Variants in SLC9A7 observed in about 807,000 individuals in gnomAD.
The protein encoded by SLC9A7 is sodium/hydrogen exchanger 7.
Under a neutral mutation model 52.6 loss-of-function variants are expected in SLC9A7, and 19 were observed. That is an observed-to-expected ratio of 0.36 (90% confidence interval 0.25 to 0.53). The LOEUF is 0.53. SLC9A7 is among the 20% of genes least tolerant of loss of function. The pLI is 0.91. For synonymous variants in SLC9A7, 226 were observed against 252.1 expected (o/e 0.90, Z 0.98); for missense variants, 455 against 597.9 (o/e 0.76, Z 2.49).
chrX:46,700,169 T>C (rs942065737), intron 1 of SLC9A7, among the ~76,000 whole-genome samples: 1 of 111,703 alleles, frequency 9.0e-6, no homozygotes, highest in African/African-American at 3.3e-5. Flanking sequence ...ATGCCTGGGT[T>C]AGGTCCAAGG....
intron 5 of SLC9A7, among the ~76,000 whole-genome samples, chrX:46,668,552 T>C (rs1482667864): frequency 8.1e-5 from 9 of 111,522 alleles, no homozygotes; most frequent in Admixed American, 6.7e-4. Flanking sequence ...ACAGATACAA[T>C]GGAATATTAT....
At position 46,601,868 on chromosome X, in the gene SLC9A7, C is replaced by G. The variant is rs1942664811; in HGVS notation, c.*5084G>C. The stretch of plus-strand genomic sequence containing the variant: ...CAAAAGTGTGCATCTCCTTAATTAC[C>G]TGCTACGGAAACCACCACCATCACC... On this transcript the variant is annotated 3_prime_UTR_variant, in exon 17 of 17. Transcript: ENST00000616978. 1 of 111,965 alleles carries G rather than the reference C, an allele frequency of 8.9e-6. No individual in the cohort carries two copies. The highest frequency in any genetic ancestry group is 1.9e-5 in the Non-Finnish European group (1 of 53,203). 9.2% of individuals were successfully genotyped at this position (111,965 alleles called of 1,213,427 possible). A position where few individuals can be genotyped will look rare whatever the true frequency, so the allele number is the denominator to read the frequency against.
At chrX:46,688,052 G>A (rs891767975) in intron 1 of SLC9A7, among the ~76,000 whole-genome samples, 2 of 112,148 alleles carry the variant, frequency 1.8e-5, no homozygotes, top group Non-Finnish European at 3.8e-5. Context: ...CACTGTACCA[G>A]TGTATCATAT....
chrX:46,741,231 A>G, intron 1 of SLC9A7, among the ~76,000 whole-genome samples: 1 of 111,968 alleles, frequency 8.9e-6, no homozygotes, highest in Non-Finnish European at 1.9e-5. Context: ...CAGATTCAAT[A>G]CAATTCCAAT....
chrX:46,651,266 C>T (rs1943575211), intron 9 of SLC9A7, 43 bp from the exon 10 acceptor site: 1 of 1,177,539 alleles, frequency 8.5e-7, no homozygotes, highest in Middle Eastern at 2.3e-4. Flanking sequence ...CTGCAGTTCC[C>T]CCTTCCCTGT....
rs1319522348 is a variant in SLC9A7, at chrX:46,643,400, C to A, written c.1463-11G>T. The A allele has an allele frequency of 1.7e-6, 2 of 1,195,661 alleles. No homozygotes were observed. The highest frequency in any genetic ancestry group is 2.2e-5 in the Admixed American group (1 of 45,585). On this transcript the variant is annotated splice_polypyrimidine_tract_variant and intron_variant, in intron 11 of 16. Transcript: ENST00000616978. ...TTGCTCCCCTGAGGCCTGCGGGGACCAAAGAAGAAGATCTACTTATAAGGA... is the reference window on the plus strand; with the variant it reads ...TTGCTCCCCTGAGGCCTGCGGGGACAAAAGAAGAAGATCTACTTATAAGGA...
At chrX:46,742,047 G>A (rs1921390153) in intron 1 of SLC9A7, among the ~76,000 whole-genome samples, 1 of 111,059 alleles carries the variant, frequency 9.0e-6, no homozygotes, top group Non-Finnish European at 1.9e-5. Flanking sequence ...TCAACATTAG[G>A]GAAATATAAA....
At chrX:46,717,225 T>C (rs1330242021) in intron 1 of SLC9A7, among the ~76,000 whole-genome samples, 1 of 112,362 alleles carries the variant, frequency 8.9e-6, no homozygotes, top group Non-Finnish European at 1.9e-5. Flanking sequence ...GGTCAGGTGA[T>C]TAGAAATGCC....
intron 16 of SLC9A7, 117 bp from the exon 17 acceptor site, chrX:46,607,320 G>T: frequency 1.1e-6 from 1 of 873,767 alleles, no homozygotes; most frequent in Non-Finnish European, 1.6e-6. Context: ...TATGAAACTT[G>T]CCTGCCTTGA....
At chrX:46,700,920 C>T (rs752616581) in intron 1 of SLC9A7, among the ~76,000 whole-genome samples, 3 of 111,654 alleles carry the variant, frequency 2.7e-5, no homozygotes, top group South Asian at 3.8e-4. Context: ...TTCTTTTTCC[C>T]TCTTCCCACA....
chrX:46,722,803 C>T (rs999484666), intron 1 of SLC9A7, among the ~76,000 whole-genome samples: 14 of 111,992 alleles, frequency 1.3e-4, no homozygotes, highest in Middle Eastern at 4.2e-3. Context: ...GGAAAACCTC[C>T]AGAAGATTCT....
intron 16 of SLC9A7, among the ~76,000 whole-genome samples, chrX:46,610,644 C>T (rs6521134): frequency 0.36 from 39,490 of 110,757 alleles, 7,043 homozygotes; most frequent in African/African-American, 0.69. Flanking sequence ...GCAGCAGGAC[C>T]GAGGGTGATT....
intron 1 of SLC9A7, among the ~76,000 whole-genome samples, chrX:46,732,265 A>T (rs1443912376): frequency 9.8e-6 from 1 of 102,324 alleles, no homozygotes; most frequent in African/African-American, 3.6e-5. Context: ...AAAATCCAAA[A>T]GTTTGGCTGG....
intron 1 of SLC9A7, among the ~76,000 whole-genome samples, chrX:46,695,028 T>C (rs1308806279): frequency 8.9e-6 from 1 of 112,029 alleles, no homozygotes; most frequent in Non-Finnish European, 1.9e-5. Flanking sequence ...AGGACAGGTA[T>C]ATCTACAGAG....
chrX:46,609,793 C>T lies in SLC9A7; in HGVS notation c.1930-2590G>A, dbSNP rs747938662. Among the ~76,000 whole-genome samples the T allele has an allele frequency of 8.1e-5, 9 of 110,663 alleles. No individual in the cohort carries two copies. The South Asian group carries it at 1.9e-3, about 24-fold the overall frequency. The stretch of plus-strand genomic sequence containing the variant: ...CTGTAATCCCAGTACTTTGGGAAGC[C>T]GAGGCGAGCGGATCACTTGAGGTCA... On this transcript the variant is annotated intron_variant, in intron 16 of 16. Transcript: ENST00000616978.
At chrX:46,716,456 C>G (rs1944770443) in intron 1 of SLC9A7, among the ~76,000 whole-genome samples, 1 of 111,942 alleles carries the variant, frequency 8.9e-6, no homozygotes, top group East Asian at 2.8e-4. Context: ...GGATCCTCTT[C>G]AGTAAGACCA....
At chrX:46,733,718 A>G (rs1328524572) in intron 1 of SLC9A7, among the ~76,000 whole-genome samples, 1 of 111,237 alleles carries the variant, frequency 9.0e-6, no homozygotes. Flanking sequence ...TAATCCCTAG[A>G]GCAACCACTA....
intron 7 of SLC9A7, among the ~76,000 whole-genome samples, chrX:46,654,786 T>C (rs959025033): frequency 9.0e-6 from 1 of 110,940 alleles, no homozygotes; most frequent in Admixed American, 9.6e-5. Flanking sequence ...ACGGCCAGCA[T>C]AGAAGCATCT....
At chrX:46,660,067 A>G (rs1387744794) in intron 7 of SLC9A7, among the ~76,000 whole-genome samples, 1 of 108,284 alleles carries the variant, frequency 9.2e-6, no homozygotes, top group East Asian at 2.9e-4. Context: ...ATAATGCCGC[A>G]TATCTACAAC....
Sources: allele counts gnomAD v4.1 joint callset (sites outside exome capture counted in the v4.1 genomes callset), GRCh38; gene constraint gnomAD v4.1.1; transcripts MANE v1.5; gene names NCBI Gene and HGNC (gene_info 2026-07-23, HGNC 2026-07-21).